Variants in FAM227A observed in about 807,000 individuals in gnomAD.
FAM227A encodes protein FAM227A.
In FAM227A, 80 loss-of-function variants were observed where a neutral mutation model predicts 74.7. That is an observed-to-expected ratio of 1.07 (90% confidence interval 0.89 to 1.29). The LOEUF is 1.29. FAM227A is among the 50% of genes most tolerant of loss of function. The pLI is 0.00. For missense variants in FAM227A, 654 were observed against 683.4 expected (o/e 0.96, Z 0.48); for synonymous variants, 237 against 241.8 (o/e 0.98, Z 0.19).
At position 38,593,970 on chromosome 22, in the gene FAM227A, G is replaced by A. The variant is rs527557096; in HGVS notation, c.1533-2430C>T. On this transcript the variant is annotated intron_variant, in intron 15 of 16. Coordinates refer to ENST00000535113, the MANE Select transcript of FAM227A (RefSeq NM_001013647.2). Reference sequence around the variant, plus strand: ...GCCTCCCAAAGTGCTGGGATTACAGGTGTGAGCTACTGTGACCAGCCTTCT... The same window carrying A: ...GCCTCCCAAAGTGCTGGGATTACAGATGTGAGCTACTGTGACCAGCCTTCT... Among the ~76,000 whole-genome samples, 9 of 152,306 alleles carry A rather than the reference G, an allele frequency of 5.9e-5. No homozygotes were observed. In the East Asian group the frequency reaches 1.7e-3, roughly 29 times the overall value.
At chr22:38,639,586 G>A (rs902766155) in intron 4 of FAM227A, 69 bp downstream of exon 4, 1 of 1,376,988 alleles carries the variant, frequency 7.3e-7, no homozygotes. Flanking sequence ...TTCCTACTCA[G>A]TTGCATTTTA....
In FAM227A at chr22:38,580,283, T is replaced by G. The variant is rs560729499; in HGVS notation, c.*5842A>C. Reference sequence around the variant, plus strand: ...TCCCCCTCTCTTTTTCCCTTGAAACTTATTTGTTGAAAAAAATGAAGTCAT... The same window carrying G: ...TCCCCCTCTCTTTTTCCCTTGAAACGTATTTGTTGAAAAAAATGAAGTCAT... On this transcript the variant is annotated 3_prime_UTR_variant, in exon 17 of 17. Coordinates refer to ENST00000535113, the MANE Select transcript of FAM227A (RefSeq NM_001013647.2). 1.3e-5 allele frequency: 2 copies of G among 152,310 alleles called. No individual in the cohort carries two copies. Among genetic ancestry groups the G allele is most frequent in the African/African-American group, 4.8e-5 (2 of 41,572 alleles). 9.4% of individuals were successfully genotyped at this position (152,310 alleles called of 1,614,324 possible).
chr22:38,615,952 G>A (rs965081677), intron 11 of FAM227A, among the ~76,000 whole-genome samples: 1 of 152,100 alleles, frequency 6.6e-6, no homozygotes, highest in African/African-American at 2.4e-5. Context: ...GGCTGAGAAG[G>A]CTGGTGGATA....
Position 38,650,137 on chromosome 22 carries a change from T to C in FAM227A, c.32A>G (p.Asn11Ser), listed in dbSNP as rs375734017. ...TGGTATCATAGGTAGGGTGGTGAGGTTGATGACCTCCATCTTCCTGAAGTG... is the reference window on the plus strand; with the variant it reads ...TGGTATCATAGGTAGGGTGGTGAGGCTGATGACCTCCATCTTCCTGAAGTG... MNHFRKMEVI[N>S]LTTLPMIPVD... is the part of the protein sequence containing the mutation. The change falls in exon 2 of 17, where the codon AAC becomes AGC. Residue 11 changes from asparagine (N) to serine (S), a missense_variant. Transcript: ENST00000535113. 315 of 1,551,712 alleles carry C rather than the reference T, an allele frequency of 2.0e-4. No homozygotes were observed. The highest frequency in any genetic ancestry group is 2.7e-4 in the Non-Finnish European group (304 of 1,146,984).
intron 4 of FAM227A, 27 bp downstream of exon 4, chr22:38,639,628 C>G (rs1186127456): frequency 6.5e-7 from 1 of 1,550,206 alleles, no homozygotes; most frequent in Admixed American, 2.0e-5. Flanking sequence ...ATGAAAAGAG[C>G]ATCAAGGCTG....
intron 16 of FAM227A, among the ~76,000 whole-genome samples, chr22:38,589,599 A>G (rs1399525612): frequency 2.6e-5 from 4 of 152,310 alleles, no homozygotes; most frequent in African/African-American, 4.8e-5. Flanking sequence ...ATACCAAGGT[A>G]TATCATTGTG....
Position 38,636,608 on chromosome 22 carries a change from A to C in FAM227A, c.373-11T>G. 1 of 1,549,948 alleles carries C rather than the reference A, an allele frequency of 6.5e-7. No homozygotes were observed. The highest frequency in any genetic ancestry group is 8.7e-7 in the Non-Finnish European group (1 of 1,146,254). Reference sequence around the variant, plus strand: ...TTTATCTGCTGTTTTCTGAAGCAAAAGAGCAGAATATGAAAATGGGGTTCA... The same window carrying C: ...TTTATCTGCTGTTTTCTGAAGCAAACGAGCAGAATATGAAAATGGGGTTCA... On this transcript the variant is annotated splice_polypyrimidine_tract_variant and intron_variant, in intron 5 of 16. Transcript: ENST00000535113.
In FAM227A at chr22:38,584,296, C is replaced by G. The variant is rs954675580; in HGVS notation, c.*1829G>C. On this transcript the variant is annotated 3_prime_UTR_variant, in exon 17 of 17. Coordinates refer to ENST00000535113, the MANE Select transcript of FAM227A (RefSeq NM_001013647.2). ...AGACATCTAGCAAATACCTAATCATCCCCCCCAAGTCCGTTTCTTCCTAGG... is the reference window on the plus strand; with the variant it reads ...AGACATCTAGCAAATACCTAATCATGCCCCCCAAGTCCGTTTCTTCCTAGG... 1 of 152,020 alleles carries G rather than the reference C, an allele frequency of 6.6e-6. No homozygotes were observed. The highest frequency in any genetic ancestry group is 1.5e-5 in the Non-Finnish European group (1 of 68,024). 9.4% of individuals were successfully genotyped at this position (152,020 alleles called of 1,614,324 possible).
Position 38,656,171 on chromosome 22 carries a change from C to G in FAM227A, c.-146G>C, listed in dbSNP as rs2092389688. ...ACCCGGGGCCGGTCCCGCCACGGGT[C>G]CCTCAGGGGACCCCGCAAAGTTCTG... On this transcript the variant is annotated 5_prime_UTR_variant, in exon 1 of 17. Transcript: ENST00000535113. 6.6e-6 allele frequency: 1 copy of G among 152,264 alleles called. No homozygotes were observed. The highest frequency in any genetic ancestry group is 1.5e-5 in the Non-Finnish European group (1 of 68,092). 9.4% of individuals were successfully genotyped at this position (152,264 alleles called of 1,614,324 possible).
chr22:38,612,104 CAT>C (rs2091425225), intron 11 of FAM227A, among the ~76,000 whole-genome samples: 1 of 152,148 alleles, frequency 6.6e-6, no homozygotes, highest in South Asian at 2.1e-4. Context: ...TGCCACCTTC[CAT>C]ATTTGTCATT....
At chr22:38,594,763 C>A (rs1203431771) in intron 15 of FAM227A, among the ~76,000 whole-genome samples, 1 of 152,000 alleles carries the variant, frequency 6.6e-6, no homozygotes, top group African/African-American at 2.4e-5. Flanking sequence ...GAGGTCAAGA[C>A]CATCCTGGCC....
In FAM227A at chr22:38,583,022, G is replaced by A; in HGVS notation, c.*3103C>T. On this transcript the variant is annotated 3_prime_UTR_variant, in exon 17 of 17. Transcript: ENST00000535113. ...GCAACAGACAAAAGATCCAGAAATAGGAAAGTGTGGTTCCTAGAGAAACTG... is the reference window on the plus strand; with the variant it reads ...GCAACAGACAAAAGATCCAGAAATAAGAAAGTGTGGTTCCTAGAGAAACTG... 6.7e-7 allele frequency: 1 copy of A among 1,500,054 alleles called. No homozygotes were observed. The highest frequency in any genetic ancestry group is 9.1e-7 in the Non-Finnish European group (1 of 1,104,388). The allele number at this position is 1,500,054 out of a possible 1,614,324, so 92.9% of individuals were successfully genotyped here.
In FAM227A at chr22:38,579,630, T is replaced by C. The variant is rs2090688818; in HGVS notation, c.*6495A>G. The C allele has an allele frequency of 6.6e-6, 1 of 152,168 alleles. No homozygotes were observed. The highest frequency in any genetic ancestry group is 2.4e-5 in the African/African-American group (1 of 41,444). 9.4% of individuals were successfully genotyped at this position (152,168 alleles called of 1,614,324 possible). A position where few individuals can be genotyped will look rare whatever the true frequency, so the allele number is the denominator to read the frequency against. On this transcript the variant is annotated 3_prime_UTR_variant, in exon 17 of 17. Transcript: ENST00000535113. Reference sequence around the variant, plus strand: ...TATTCCCATCACCCATCTTCAACAATTTTCAACACATGGTCAATCTTGTTT... The same window carrying C: ...TATTCCCATCACCCATCTTCAACAACTTTCAACACATGGTCAATCTTGTTT...
At position 38,650,264 on chromosome 22, in the gene FAM227A, T is replaced by A. The variant is rs886180419; in HGVS notation, c.-94-2A>T. On this transcript the variant is annotated splice_acceptor_variant, in intron 1 of 16. Transcript: ENST00000535113. LOFTEE classifies it low-confidence loss of function (5UTR_SPLICE). ...CTTGTCGTTTGTTTAATCAGCCTCCTGGAAATCATAAACAGCATAGAGCCA... is the reference window on the plus strand; with the variant it reads ...CTTGTCGTTTGTTTAATCAGCCTCCAGGAAATCATAAACAGCATAGAGCCA... 3 of 1,273,680 alleles carry A rather than the reference T, an allele frequency of 2.4e-6. No individual in the cohort carries two copies. The African/African-American group carries it at 4.5e-5, about 19-fold the overall frequency. 78.9% of individuals were successfully genotyped at this position (1,273,680 alleles called of 1,614,324 possible).
In FAM227A at chr22:38,605,268, T is replaced by C. The variant is rs2091259520; in HGVS notation, c.1207A>G (p.Met403Val). Residue 403 changes from methionine to valine, a missense_variant, in exon 13 of 17, where the codon ATG becomes GTG. Transcript: ENST00000535113. ...RISEARECEN[M>V]FPKKSCAACK... ...CATGTGCTCACCTTTTTAGGAAACATATTCTCACATTCTCTTGCTTCTGAT... is the reference window on the plus strand; with the variant it reads ...CATGTGCTCACCTTTTTAGGAAACACATTCTCACATTCTCTTGCTTCTGAT... The C allele has an allele frequency of 2.6e-6, 4 of 1,545,688 alleles. No individual in the cohort carries two copies. Among genetic ancestry groups the C allele is most frequent in the Non-Finnish European group, 3.5e-6 (4 of 1,141,248 alleles).
intron 2 of FAM227A, among the ~76,000 whole-genome samples, chr22:38,646,783 A>C (rs969912684): frequency 6.6e-6 from 1 of 152,070 alleles, no homozygotes; most frequent in Non-Finnish European, 1.5e-5. Flanking sequence ...TAATCCATGT[A>C]GAAGATACAC....
intron 9 of FAM227A, among the ~76,000 whole-genome samples, chr22:38,625,760 AT>A (rs973970816): frequency 2.0e-5 from 3 of 152,092 alleles, no homozygotes; most frequent in Non-Finnish European, 4.4e-5. Flanking sequence ...CCTGACCAAC[AT>A]GGTGAAACCC....
chr22:38,623,983 AT>A (rs2091744929), intron 9 of FAM227A, among the ~76,000 whole-genome samples: 1 of 152,152 alleles, frequency 6.6e-6, no homozygotes, highest in Admixed American at 6.5e-5. Context: ...CTGGGGATAA[AT>A]TGGGGTAAGA....
At position 38,639,716 on chromosome 22, in the gene FAM227A, C is replaced by G. The variant is rs1025945022; in HGVS notation, c.234G>C (p.Glu78Asp). Residue 78 changes from glutamate (E) to aspartate (D), a missense_variant, in exon 4 of 17, where the codon GAG becomes GAC. Transcript: ENST00000535113. ...AAGCCTTCTTCTCCAACTCAAATCT[C>G]TCAATTGCCTTCAAAAACCAAGAAA... ...TEPSANSLAIERFELEKKALR... is the reference protein window; with the variant it reads ...TEPSANSLAIDRFELEKKALR... The G allele has an allele frequency of 1.3e-6, 2 of 1,550,766 alleles. No homozygotes were observed. The highest frequency in any genetic ancestry group is 1.7e-6 in the Non-Finnish European group (2 of 1,146,118).
Sources: gnomAD v4.1 joint callset for allele counts (sites outside exome capture counted in the v4.1 genomes callset) on GRCh38, gnomAD v4.1.1 for gene constraint, MANE v1.5 for transcripts, NCBI Gene and HGNC (gene_info 2026-07-23, HGNC 2026-07-21) for gene names.